The following LRRCC1 variants were observed in gnomAD, a reference collection of about 807,000 sequenced individuals.
LRRCC1 encodes leucine rich repeat and coiled-coil centrosomal protein 1, also known as leucine-rich repeat and coiled-coil domain-containing protein 1.
LRRCC1 carries 115 observed loss-of-function variants against 126.0 expected under a neutral mutation model. The observed-to-expected ratio is 0.91, with a 90% CI of 0.78 to 1.07. The LOEUF (loss-of-function observed/expected upper bound fraction) is 1.07. Ranked by LOEUF, LRRCC1 falls within the 50% of genes least tolerant of loss-of-function variation. The pLI, the probability that LRRCC1 is intolerant of heterozygous loss-of-function variation, is 0.00. For synonymous variants in LRRCC1, 400 were observed against 393.4 expected, an observed-to-expected ratio of 1.02 and a Z score of -0.20; for missense variants, 1,172 against 1,175.7, an observed-to-expected ratio of 1.00 and a Z score of 0.05.
chr8:85,118,651 G>T (rs1809292735), intron 6 of LRRCC1, among the ~76,000 whole-genome samples: 1 of 151,968 alleles, frequency 6.6e-6, no homozygotes, highest in African/African-American at 2.4e-5. Context: ...TTTTTCATGT[G>T]TTTATTGAAT....
At chr8:85,130,114 T>G in intron 11 of LRRCC1, 56 bp downstream of exon 11, 17 of 1,131,952 alleles carry the variant, frequency 1.5e-5, no homozygotes, top group Non-Finnish European at 2.0e-5. Flanking sequence ...AAAAGAAAGC[T>G]ACTGGTTCCC....
At chr8:85,136,765 C>G (rs947233981) in intron 14 of LRRCC1, among the ~76,000 whole-genome samples, 3 of 151,994 alleles carry the variant, frequency 2.0e-5, no homozygotes, top group African/African-American at 7.2e-5. Context: ...ATACTGGTTT[C>G]TTTTGTTTTG....
chr8:85,115,734 C>T, intron 6 of LRRCC1, 150 bp downstream of exon 6: 1 of 605,730 alleles, frequency 1.7e-6, no homozygotes, highest in South Asian at 2.1e-5. Context: ...AAATAGGGTT[C>T]TATTATTGCA....
chr8:85,117,783 A>G (rs780222002), intron 6 of LRRCC1, among the ~76,000 whole-genome samples: 2 of 152,146 alleles, frequency 1.3e-5, no homozygotes, highest in African/African-American at 2.4e-5. Flanking sequence ...TTATTTTGTC[A>G]TGTAGCTATC....
Position 85,145,686 on chromosome 8 carries a change from TAATA to T in LRRCC1, c.*179_*182del, listed in dbSNP as rs576189833. 3.1e-3 allele frequency: 1,284 copies of T among 418,004 alleles called. 3 individuals carry two copies. The highest frequency in any genetic ancestry group is 4.4e-3 in the Non-Finnish European group (1,116 of 251,442). The allele number at this position is 418,004 out of a possible 1,614,324, so 25.9% of individuals were successfully genotyped here. A position where few individuals can be genotyped will look rare whatever the true frequency, so the allele number is the denominator to read the frequency against. On this transcript the variant is annotated 3_prime_UTR_variant, in exon 19 of 19. Transcript: ENST00000360375. ...ATTTATTAATTGTATAGGTTTTTTA[TAATA>T]AATTGTTGACAATTTTGTCTATTAG...
At chr8:85,126,155 A>G (rs886274956) in intron 8 of LRRCC1, among the ~76,000 whole-genome samples, 3 of 152,144 alleles carry the variant, frequency 2.0e-5, no homozygotes, top group Admixed American at 2.0e-4. Context: ...TACTATTTCA[A>G]AAAAGGAATC....
At position 85,115,289 on chromosome 8, in the gene LRRCC1, T is replaced by C. The variant is rs1809025455; in HGVS notation, c.720+14T>C. The C allele has an allele frequency of 6.5e-7, 1 of 1,543,498 alleles. No individual in the cohort carries two copies. The highest frequency in any genetic ancestry group is 8.8e-7 in the Non-Finnish European group (1 of 1,135,486). On this transcript the variant is annotated intron_variant, in intron 5 of 18. Transcript: ENST00000360375. Reference sequence around the variant, plus strand: ...AGTGAAGATGAGGTATAGTATTTACTTTTTTTTTCCTAATATAAAAAATAC... The same window carrying C: ...AGTGAAGATGAGGTATAGTATTTACCTTTTTTTTCCTAATATAAAAAATAC...
At chr8:85,124,002 G>A (rs1187636024) in intron 7 of LRRCC1, among the ~76,000 whole-genome samples, 1 of 152,030 alleles carries the variant, frequency 6.6e-6, no homozygotes, top group African/African-American at 2.4e-5. Flanking sequence ...GTACACCTGA[G>A]TCTACATGAC....
Position 85,145,605 on chromosome 8 carries a change from A to G in LRRCC1, c.*94A>G. On this transcript the variant is annotated 3_prime_UTR_variant, in exon 19 of 19. Transcript: ENST00000360375. ...TAGTAGTAACTGCTATGACTTTGAAATGTCTCTTTCTATACATTTCATTAT... is the reference window on the plus strand; with the variant it reads ...TAGTAGTAACTGCTATGACTTTGAAGTGTCTCTTTCTATACATTTCATTAT... 9.7e-7 allele frequency: 1 copy of G among 1,029,892 alleles called. No homozygotes were observed. The allele number at this position is 1,029,892 out of a possible 1,614,324, so 63.8% of individuals were successfully genotyped here.
intron 6 of LRRCC1, among the ~76,000 whole-genome samples, chr8:85,120,221 T>A (rs965030517): frequency 4.6e-5 from 7 of 152,216 alleles, no homozygotes; most frequent in Admixed American, 3.3e-4. Context: ...GTCAGGATGA[T>A]TCATAGTATT....
At chr8:85,110,231 G>A in intron 3 of LRRCC1, 51 bp downstream of exon 3, 2 of 780,622 alleles carry the variant, frequency 2.6e-6, no homozygotes, top group Non-Finnish European at 4.0e-6. Flanking sequence ...TGCCACATGT[G>A]ATAAGTTAAC....
intron 6 of LRRCC1, among the ~76,000 whole-genome samples, chr8:85,120,247 T>G (rs1809435917): frequency 6.6e-6 from 1 of 152,218 alleles, no homozygotes. Context: ...GTGAACCATG[T>G]CTTTACTCAT....
rs200366418 is a variant in LRRCC1 at position 85,131,924 on chromosome 8, G to A, written c.1931G>A (p.Arg644His). 4.2e-4 allele frequency: 678 copies of A among 1,613,360 alleles called. 2 individuals carry two copies. The highest frequency in any genetic ancestry group is 4.7e-4 in the Non-Finnish European group (553 of 1,179,814). Residue 644 changes from arginine (R) to histidine (H), a missense_variant, in exon 12 of 19, where the codon CGT becomes CAT. Physicochemically the swap from Arg to His is conservative, Grantham distance 29 (BLOSUM62 0). Transcript: ENST00000360375. ...QQYMDLENEFRIALTVEARRF... is the reference protein window; with the variant it reads ...QQYMDLENEFHIALTVEARRF... The stretch of plus-strand genomic sequence containing the variant: ...TATATGGATTTAGAAAATGAATTCC[G>A]TATTGCTTTAACTGTTGAAGCCAGA...
At position 85,115,536 on chromosome 8, in the gene LRRCC1, G is replaced by C. The variant is rs1173262025; in HGVS notation, c.882G>C (p.Glu294Asp). 6.2e-7 allele frequency: 1 copy of C among 1,613,200 alleles called. No homozygotes were observed. Among genetic ancestry groups the C allele is most frequent in the South Asian group, 1.1e-5 (1 of 91,016 alleles). ...ATCATGAAAACGATTTGCAGAATGA[G>C]ATAAAACTTCAGAAATTAGATGACC... ...KNNHENDLQN[E>D]IKLQKLDDQI... The change falls in exon 6 of 19, where the codon GAG becomes GAC. Residue 294 changes from glutamate to aspartate, a missense_variant. Coordinates refer to ENST00000360375, the MANE Select transcript of LRRCC1 (RefSeq NM_033402.5).
intron 3 of LRRCC1, among the ~76,000 whole-genome samples, chr8:85,112,363 G>A (rs1407718976): frequency 6.6e-6 from 1 of 152,144 alleles, no homozygotes; most frequent in Non-Finnish European, 1.5e-5. Context: ...AGGAAGAGAA[G>A]CTGTAAGTGC....
intron 8 of LRRCC1, among the ~76,000 whole-genome samples, chr8:85,125,670 C>CAAAAAAAAAAAAA (rs71273921): frequency 1.3e-4 from 7 of 51,910 alleles, no homozygotes; most frequent in African/African-American, 3.7e-4. Context: ...GAGACTCCGT[C>CAAAAAAAAAAAAA]AAAAAAAAAA....
chr8:85,135,753 A>G (rs777542801), intron 13 of LRRCC1, 36 bp from the exon 14 acceptor site: 82 of 1,223,590 alleles, frequency 6.7e-5, no homozygotes, highest in Non-Finnish European at 8.1e-5. Flanking sequence ...AGCACTTAAT[A>G]TAATAATTCT....
chr8:85,117,974 C>G (rs1165638748), intron 6 of LRRCC1, among the ~76,000 whole-genome samples: 1 of 152,034 alleles, frequency 6.6e-6, no homozygotes, highest in African/African-American at 2.4e-5. Flanking sequence ...TATCTGTTAT[C>G]CAAATTTCTG....
intron 17 of LRRCC1, 115 bp from the exon 18 acceptor site, chr8:85,141,267 C>A: frequency 4.3e-6 from 3 of 698,042 alleles, no homozygotes; most frequent in Non-Finnish European, 6.9e-6. Flanking sequence ...TTTCATAATA[C>A]TGAGTTATGT....
Sources: gnomAD v4.1 joint callset for allele counts (sites outside exome capture counted in the v4.1 genomes callset) on GRCh38, gnomAD v4.1.1 for gene constraint, MANE v1.5 for transcripts, NCBI Gene and HGNC (gene_info 2026-07-23, HGNC 2026-07-21) for gene names.